The following AGO3 variants were observed in gnomAD, a reference collection of about 807,000 sequenced individuals.
AGO3 encodes the protein protein argonaute-3.
AGO3 carries 16 observed loss-of-function variants against 105.5 expected under a neutral mutation model. That is an observed-to-expected ratio of 0.15 (90% CI 0.10 to 0.23). AGO3 has a LOEUF of 0.23. Among genes scored for constraint, AGO3 ranks in the 10% least tolerant of loss-of-function variants. The pLI is 1.00. For synonymous variants in AGO3, 340 were observed against 367.3 expected (o/e 0.93, Z 0.85); for missense variants, 534 against 1,088.0 (o/e 0.49, Z 7.16).
intron 11 of AGO3, among the ~76,000 whole-genome samples, chr1:36,020,934 A>C (rs537298666): frequency 1.3e-5 from 2 of 150,714 alleles, no homozygotes; most frequent in East Asian, 2.0e-4. Context: ...TACTTTATTT[A>C]TTTATTTATT....
chr1:36,050,390 G>A (rs1355638903), intron 17 of AGO3, among the ~76,000 whole-genome samples: 2 of 152,146 alleles, frequency 1.3e-5, no homozygotes, highest in Non-Finnish European at 2.9e-5. Flanking sequence ...GGAGGCTGAG[G>A]CAAGAGAATC....
chr1:35,938,467 A>C (rs1278750042), intron 1 of AGO3, among the ~76,000 whole-genome samples: 1 of 152,294 alleles, frequency 6.6e-6, no homozygotes, highest in Middle Eastern at 3.4e-3. Flanking sequence ...TATATTTATC[A>C]TACGAATTGT....
intron 11 of AGO3, among the ~76,000 whole-genome samples, chr1:36,018,680 C>A (rs2336659): frequency 0.12 from 18,619 of 152,136 alleles, 2,952 homozygotes; most frequent in East Asian, 0.7. Context: ...ATTCACCCGC[C>A]TTGGCCTCCC....
upstream of AGO3, chr1:35,930,915 G>A (rs1248213150): frequency 1.1e-5 from 3 of 268,606 alleles, no homozygotes; most frequent in African/African-American, 2.3e-5. Flanking sequence ...CGGCCGGCAC[G>A]GCCCGGCGGG....
At chr1:35,944,527 T>G (rs1646322655) in intron 1 of AGO3, among the ~76,000 whole-genome samples, 1 of 151,500 alleles carries the variant, frequency 6.6e-6, no homozygotes. Context: ...TTGCCTAGAT[T>G]TTATCAATTT....
chr1:36,014,086 G>A (rs749690055), intron 11 of AGO3, 38 bp downstream of exon 11: 3 of 1,612,596 alleles, frequency 1.9e-6, no homozygotes, highest in South Asian at 1.1e-5. Flanking sequence ...GGACTTTTTT[G>A]TGTTTAGACT....
intron 17 of AGO3, among the ~76,000 whole-genome samples, chr1:36,043,772 A>T (rs770087681): frequency 6.6e-6 from 1 of 152,206 alleles, no homozygotes; most frequent in Non-Finnish European, 1.5e-5. Flanking sequence ...GTAGTTTAAT[A>T]GAATGAATCT....
chr1:36,036,507 A>G (rs914731732), intron 14 of AGO3, among the ~76,000 whole-genome samples: 1 of 151,438 alleles, frequency 6.6e-6, no homozygotes, highest in Non-Finnish European at 1.5e-5. Context: ...TGTCTACTTG[A>G]CCTCTCCATG....
intron 13 of AGO3, among the ~76,000 whole-genome samples, chr1:36,034,640 A>C (rs986341201): frequency 2.6e-5 from 4 of 152,234 alleles, no homozygotes; most frequent in Non-Finnish European, 5.9e-5. Context: ...CTCAAGCCCC[A>C]AAAATTTTCA....
chr1:35,993,899 C>T (rs762904049), intron 5 of AGO3, among the ~76,000 whole-genome samples: 2 of 151,540 alleles, frequency 1.3e-5, no homozygotes, highest in Non-Finnish European at 2.9e-5. Flanking sequence ...AGGCATGCAC[C>T]ACCATGCCCG....
chr1:36,020,452 A>G (rs1641157761), intron 11 of AGO3, among the ~76,000 whole-genome samples: 1 of 152,158 alleles, frequency 6.6e-6, no homozygotes, highest in Admixed American at 6.5e-5. Flanking sequence ...TGGTTCTGGT[A>G]ATTCTTACTC....
chr1:36,004,899 A>C (rs1640267519), intron 6 of AGO3, among the ~76,000 whole-genome samples: 2 of 152,230 alleles, frequency 1.3e-5, no homozygotes, highest in East Asian at 3.9e-4. Context: ...AGTCCTTTAA[A>C]AACGTATAAA....
intron 2 of AGO3, among the ~76,000 whole-genome samples, chr1:35,966,267 T>C (rs1339331871): frequency 6.6e-6 from 1 of 152,246 alleles, no homozygotes; most frequent in Non-Finnish European, 1.5e-5. Context: ...CCATTTGGAA[T>C]ATATCCTTTC....
At position 36,027,156 on chromosome 1, in the gene AGO3, G is replaced by T; in HGVS notation, c.1449G>T (p.Gly483=). Residue 483 remains glycine (G), a synonymous_variant, in exon 12 of 19, where the codon GGG becomes GGT. Transcript: ENST00000373191. The surrounding 1 kb of genome is among the most constrained non-coding windows in gnomAD (Gnocchi z 4.0). ...TGCGTAAGATTTCTAAGGATGCAGG[G>T]ATGCCCATCCAGGGCCAGCCATGCT... ...DQLRKISKDA[G]MPIQGQPCFC... 6.2e-7 allele frequency: 1 copy of T among 1,614,080 alleles called. No homozygotes were observed. Among genetic ancestry groups the T allele is most frequent in the Non-Finnish European group, 8.5e-7 (1 of 1,179,958 alleles).
chr1:35,991,712 A>C (rs1647680838), intron 5 of AGO3, among the ~76,000 whole-genome samples: 1 of 152,040 alleles, frequency 6.6e-6, no homozygotes, highest in Non-Finnish European at 1.5e-5. Context: ...ACATACCATA[A>C]AATTCACACG....
At chr1:35,994,852 G>A (rs1381311451) in intron 5 of AGO3, among the ~76,000 whole-genome samples, 4 of 152,100 alleles carry the variant, frequency 2.6e-5, no homozygotes, top group Non-Finnish European at 4.4e-5. Context: ...GACAAGGAAG[G>A]TAAAGAGGTG....
At chr1:36,014,183 G>C in intron 11 of AGO3, 135 bp downstream of exon 11, 4 of 1,168,328 alleles carry the variant, frequency 3.4e-6, no homozygotes, top group Non-Finnish European at 3.7e-6. Flanking sequence ...TTTTGAGACA[G>C]AGTCTCACTC....
chr1:36,035,623 C>T (rs1641966826), intron 13 of AGO3, among the ~76,000 whole-genome samples: 2 of 151,982 alleles, frequency 1.3e-5, no homozygotes, highest in Non-Finnish European at 2.9e-5. Flanking sequence ...ATTTGTGGAT[C>T]ATAAGGAAGT....
rs1467561378 is a variant in AGO3 at position 35,958,590 on chromosome 1, T to A, written c.192-8365T>A. Among the ~76,000 whole-genome samples the A allele has an allele frequency of 2.0e-5, 3 of 151,634 alleles. No individual in the cohort carries two copies. In the East Asian group the frequency reaches 5.8e-4, roughly 29 times the overall value. The stretch of plus-strand genomic sequence containing the variant: ...ACAGGAGAATGGCTTGAGGCAGAGG[T>A]TGCTGTGAGCTGAGATTGCACCACT... On this transcript the variant is annotated intron_variant, in intron 2 of 18. Coordinates refer to ENST00000373191, the MANE Select transcript of AGO3 (RefSeq NM_024852.4).
Sources: allele counts gnomAD v4.1 joint callset (sites outside exome capture counted in the v4.1 genomes callset), GRCh38; gene constraint gnomAD v4.1.1; non-coding constraint Gnocchi (gnomAD v3.1); transcripts MANE v1.5; gene names NCBI Gene and HGNC (gene_info 2026-07-23, HGNC 2026-07-21).